AOPEP: variants seen among roughly 807,000 people sequenced by gnomAD.
AOPEP encodes aminopeptidase O.
In AOPEP, 77 loss-of-function variants were observed where a neutral mutation model predicts 98.1. The ratio of observed to expected loss-of-function variants is 0.78; its 90% confidence interval spans 0.65 to 0.95. AOPEP has a LOEUF of 0.95. Among genes scored for constraint, AOPEP ranks in the 40% least tolerant of loss-of-function variants. The pLI is 0.00. For synonymous variants in AOPEP, 346 were observed against 365.3 expected (o/e 0.95, Z 0.60); for missense variants, 1,024 against 1,024.7 (o/e 1.00, Z 0.01).
chr9:95,091,890 C>G (rs1010961799), downstream of AOPEP, among the ~76,000 whole-genome samples: 4 of 152,170 alleles, frequency 2.6e-5, no homozygotes, highest in Admixed American at 6.5e-5. Context: ...CAGCAGCCCC[C>G]ATGGGAGGCC....
chr9:94,838,051 C>G (rs1287985688), intron 5 of AOPEP, among the ~76,000 whole-genome samples: 1 of 152,146 alleles, frequency 6.6e-6, no homozygotes, highest in Non-Finnish European at 1.5e-5. Context: ...CTCTGTCTCC[C>G]AGGCTGGAGT....
rs1270046231 is a variant in AOPEP at position 94,924,123 on chromosome 9, G to A, written c.1502G>A (p.Ser501Asn). 11 of 1,503,596 alleles carry A rather than the reference G, an allele frequency of 7.3e-6. No homozygotes were observed. The highest frequency in any genetic ancestry group is 3.4e-4 in the Middle Eastern group (2 of 5,868). 93.1% of individuals were successfully genotyped at this position (1,503,596 alleles called of 1,614,324 possible). A position where few individuals can be genotyped will look rare whatever the true frequency, so the allele number is the denominator to read the frequency against. Reference sequence around the variant, plus strand: ...CGAGACTGGACGGAGGAGTGGCTGAGTGAAGGCTTCGCCACTCACTTGGAG... The same window carrying A: ...CGAGACTGGACGGAGGAGTGGCTGAATGAAGGCTTCGCCACTCACTTGGAG... ...GARDWTEEWL[S>N]EGFATHLEDV... is the part of the protein sequence containing the mutation. Residue 501 changes from serine to asparagine, a missense_variant, in exon 6 of 17, where the codon AGT (serine) becomes AAT (asparagine). Ser to Asn is a conservative substitution (Grantham distance 46). Coordinates refer to ENST00000375315, the MANE Select transcript of AOPEP (RefSeq NM_001193329.3).
intron 5 of AOPEP, among the ~76,000 whole-genome samples, chr9:94,859,251 C>T (rs761946403): frequency 6.6e-6 from 1 of 152,198 alleles, no homozygotes; most frequent in Non-Finnish European, 1.5e-5. Flanking sequence ...ACTGATCTCA[C>T]ATTTCCAGCC....
intron 5 of AOPEP, among the ~76,000 whole-genome samples, chr9:94,876,104 G>T (rs913897848): frequency 6.6e-6 from 1 of 152,194 alleles, no homozygotes; most frequent in South Asian, 2.1e-4. Flanking sequence ...AACAGTATTT[G>T]AGTCTAATTG....
chr9:95,139,317 G>A, the AOPEP span, among the ~76,000 whole-genome samples: 3 of 152,162 alleles, frequency 2.0e-5, no homozygotes, highest in Non-Finnish European at 2.9e-5. Flanking sequence ...CAGAGGGTGC[G>A]TCTCCTCACA....
chr9:94,811,174 G>T (rs551334805), intron 5 of AOPEP, among the ~76,000 whole-genome samples: 2 of 152,356 alleles, frequency 1.3e-5, no homozygotes, highest in African/African-American at 4.8e-5. Flanking sequence ...CTCAGAGCGG[G>T]GGAATGGATG....
In AOPEP at chr9:94,924,331, C is replaced by T. The variant is rs998160570; in HGVS notation, c.1554+156C>T. On this transcript the variant is annotated intron_variant, in intron 6 of 16. Coordinates refer to ENST00000375315, the MANE Select transcript of AOPEP (RefSeq NM_001193329.3). ...CATAAATAAGAGAGGGAAGCCCCTA[C>T]TCCCCACAGGATTTACAATCTAGAG... Among the ~76,000 whole-genome samples the T allele has an allele frequency of 7.9e-5, 12 of 152,292 alleles. 2 individuals carry two copies. Among genetic ancestry groups the T allele is most frequent in the Non-Finnish European group, 4.4e-5 (3 of 68,034 alleles).
the AOPEP span, among the ~76,000 whole-genome samples, chr9:95,144,080 G>A: frequency 4.0e-5 from 6 of 151,428 alleles, no homozygotes; most frequent in African/African-American, 1.5e-4. Flanking sequence ...GGGTTAGAGT[G>A]CATTGGTCAA....
chr9:95,092,080 GTGCACA>G (rs1386985246), downstream of AOPEP, among the ~76,000 whole-genome samples: 1 of 135,952 alleles, frequency 7.4e-6, no homozygotes, highest in Non-Finnish European at 1.7e-5. Flanking sequence ...GTGTGTGTGT[GTGCACA>G]CACACACACA....
chr9:94,814,639 G>A (rs1851324230), intron 5 of AOPEP, among the ~76,000 whole-genome samples: 2 of 152,202 alleles, frequency 1.3e-5, no homozygotes, highest in African/African-American at 4.8e-5. Flanking sequence ...CTGTCCAGGT[G>A]TGCTGCTGGG....
At chr9:94,746,543 C>G (rs113205520) in intron 1 of AOPEP, among the ~76,000 whole-genome samples, 8 of 152,296 alleles carry the variant, frequency 5.3e-5, no homozygotes, top group South Asian at 4.1e-4. Context: ...TTAAGTGGTA[C>G]GCTTCAGAAA....
At chr9:95,063,107 G>T (rs1351220719) in intron 14 of AOPEP, among the ~76,000 whole-genome samples, 1 of 152,192 alleles carries the variant, frequency 6.6e-6, no homozygotes, top group Admixed American at 6.5e-5. Flanking sequence ...CTGGGCCACT[G>T]CAGCCAGCAC....
intron 13 of AOPEP, among the ~76,000 whole-genome samples, chr9:95,041,444 GGGGT>G (rs1472349227): frequency 5.4e-4 from 78 of 144,402 alleles, no homozygotes; most frequent in South Asian, 4.9e-3. Flanking sequence ...AGAGTCCTTG[GGGGT>G]GTGTGTGTGT....
intron 13 of AOPEP, among the ~76,000 whole-genome samples, chr9:95,018,553 T>C (rs1405464105): frequency 1.3e-5 from 2 of 152,246 alleles, no homozygotes; most frequent in African/African-American, 4.8e-5. Flanking sequence ...TTTTGTTCTG[T>C]CAACTATTGT....
chr9:95,118,295 A>G, the AOPEP span, among the ~76,000 whole-genome samples: 1 of 152,252 alleles, frequency 6.6e-6, no homozygotes, highest in Non-Finnish European at 1.5e-5. Flanking sequence ...CTGGGGTTAT[A>G]GTCATGAGCC....
rs989643172 is a variant in AOPEP, at chr9:95,005,349, G to A, written c.2040+129G>A. The A allele has an allele frequency of 3.4e-5, 25 of 730,744 alleles. No individual in the cohort carries two copies. In the South Asian group the frequency reaches 4.8e-4, roughly 14 times the overall value. The allele number at this position is 730,744 out of a possible 1,614,324, so 45.3% of individuals were successfully genotyped here. ...ACCCGCCAGGCTCCGGCTCGGGCGCGGGGAGCGGCCGTGACGAAGGTCGCG... is the reference window on the plus strand; with the variant it reads ...ACCCGCCAGGCTCCGGCTCGGGCGCAGGGAGCGGCCGTGACGAAGGTCGCG... On this transcript the variant is annotated intron_variant, in intron 12 of 16. Transcript: ENST00000375315.
the AOPEP span, among the ~76,000 whole-genome samples, chr9:95,129,199 T>A: frequency 6.6e-6 from 1 of 152,176 alleles, no homozygotes; most frequent in African/African-American, 2.4e-5. Flanking sequence ...CTCCTTCTCA[T>A]CTGCACCCCT....
chr9:94,891,926 TC>T (rs1339486856), intron 5 of AOPEP, among the ~76,000 whole-genome samples: 1 of 152,226 alleles, frequency 6.6e-6, no homozygotes, highest in Non-Finnish European at 1.5e-5. Context: ...TAATCCTTTA[TC>T]TTAGAATGTC....
chr9:95,140,847 G>A, the AOPEP span, among the ~76,000 whole-genome samples: 1 of 152,124 alleles, frequency 6.6e-6, no homozygotes, highest in Non-Finnish European at 1.5e-5. Flanking sequence ...TCATCTGCAT[G>A]TACAGAGCAG....
Sources: allele counts gnomAD v4.1 joint callset (sites outside exome capture counted in the v4.1 genomes callset), GRCh38; gene constraint gnomAD v4.1.1; transcripts MANE v1.5; gene names NCBI Gene and HGNC (gene_info 2026-07-23, HGNC 2026-07-21).